Variants in TMEM268 observed in about 807,000 individuals in gnomAD.
TMEM268 encodes the protein transmembrane protein C9orf91.
In TMEM268, 24 loss-of-function variants were observed where a neutral mutation model predicts 39.1. The observed-to-expected ratio is 0.61, with a 90% confidence interval of 0.44 to 0.86. The LOEUF (loss-of-function observed/expected upper bound fraction) is 0.86, where lower values mean the gene tolerates loss of function less well. TMEM268 is among the 40% of genes least tolerant of loss of function. The probability of loss-of-function intolerance (pLI) is 0.00; values close to 1 mark genes in which losing one functional copy is unlikely to be tolerated. For missense variants in TMEM268, 409 were observed against 428.6 expected, an observed-to-expected ratio of 0.95 and a Z score of 0.40; for synonymous variants, 176 against 173.5, an observed-to-expected ratio of 1.01 and a Z score of -0.12.
rs1690804106 is a variant in TMEM268, at chr9:114,645,349, T to C, written c.*2036T>C. 1 of 152,380 alleles carries C rather than the reference T, an allele frequency of 6.6e-6. No individual in the cohort carries two copies. The highest frequency in any genetic ancestry group is 2.4e-5 in the African/African-American group (1 of 41,460). 9.4% of individuals were successfully genotyped at this position (152,380 alleles called of 1,614,324 possible). A position where few individuals can be genotyped will look rare whatever the true frequency, so the allele number is the denominator to read the frequency against. ...TGGCTAAGTCACTTAACCTTTCTGA[T>C]TGTCATTTCGCTTTTTAATAAAGTG... On this transcript the variant is annotated 3_prime_UTR_variant, in exon 9 of 9. Transcript: ENST00000288502.
In TMEM268 at chr9:114,626,955, G is replaced by A; in HGVS notation, c.273G>A (p.Val91=). ...LAESALLEPQ[V]RRYIIYNSRP... ...AGAGTGCCCTCTTGGAGCCCCAAGTGAGAAGATATATCATCTACAACTCGA... is the reference window on the plus strand; with the variant it reads ...AGAGTGCCCTCTTGGAGCCCCAAGTAAGAAGATATATCATCTACAACTCGA... Residue 91 remains valine, a synonymous_variant, in exon 4 of 9, where the codon GTG becomes GTA. Coordinates refer to ENST00000288502, the MANE Select transcript of TMEM268 (RefSeq NM_153045.4). 4 of 1,613,788 alleles carry A rather than the reference G, an allele frequency of 2.5e-6. No homozygotes were observed. The highest frequency in any genetic ancestry group is 3.4e-6 in the Non-Finnish European group (4 of 1,179,744).
Position 114,644,751 on chromosome 9 carries a change from T to C in TMEM268, c.*1438T>C, listed in dbSNP as rs1371762031. Reference sequence around the variant, plus strand: ...GTAATTTTTGGCAAGTTGCTTTCTTTGCCTGGTCCTCAGTTTGCCCATCAA... The same window carrying C: ...GTAATTTTTGGCAAGTTGCTTTCTTCGCCTGGTCCTCAGTTTGCCCATCAA... On this transcript the variant is annotated 3_prime_UTR_variant, in exon 9 of 9. Transcript: ENST00000288502. 1 of 152,154 alleles carries C rather than the reference T, an allele frequency of 6.6e-6. No homozygotes were observed. The highest frequency in any genetic ancestry group is 1.5e-5 in the Non-Finnish European group (1 of 68,046). 9.4% of individuals were successfully genotyped at this position (152,154 alleles called of 1,614,324 possible).
intron 3 of TMEM268, 126 bp downstream of exon 3, chr9:114,624,585 G>C: frequency 1.4e-6 from 2 of 1,402,662 alleles, no homozygotes; most frequent in Non-Finnish European, 9.4e-7. Flanking sequence ...GGGTATATAA[G>C]GAAGGTATAT....
At chr9:114,627,556 T>C (rs1846216694) in intron 4 of TMEM268, among the ~76,000 whole-genome samples, 1 of 152,190 alleles carries the variant, frequency 6.6e-6, no homozygotes, top group Admixed American at 6.5e-5. Context: ...TGCTGTTTTG[T>C]ATGTATAAAT....
At chr9:114,628,330 T>G in intron 5 of TMEM268, 80 bp downstream of exon 5, 1 of 1,523,192 alleles carries the variant, frequency 6.6e-7, no homozygotes, top group Non-Finnish European at 9.0e-7. Context: ...CCCTTTTGCC[T>G]CCCTCAAAGA....
At chr9:114,633,715 G>T in intron 5 of TMEM268, 53 bp from the exon 6 acceptor site, 2 of 962,362 alleles carry the variant, frequency 2.1e-6, no homozygotes, top group Admixed American at 2.4e-5. Flanking sequence ...CAGAGCCTGG[G>T]AGCTCCCCAG....
chr9:114,623,433 A>G (rs1846026772), intron 2 of TMEM268, among the ~76,000 whole-genome samples: 1 of 152,212 alleles, frequency 6.6e-6, no homozygotes, highest in Non-Finnish European at 1.5e-5. Context: ...GGTGTGAGCC[A>G]TTGCACCCAG....
upstream of TMEM268, among the ~76,000 whole-genome samples, chr9:114,608,582 G>C (rs1345727603): frequency 6.6e-6 from 1 of 152,212 alleles, no homozygotes; most frequent in Middle Eastern, 3.2e-3. Context: ...GGTTTAGATA[G>C]ATGGTGATCA....
At position 114,626,979 on chromosome 9, in the gene TMEM268, G is replaced by A. The variant is rs764517200; in HGVS notation, c.297G>A (p.Ser99=). ...TGAGAAGATATATCATCTACAACTC[G>A]AGGCCTATGCGGCTGGCCTTTGCTG... ...PQVRRYIIYN[S]RPMRLAFAVV... The change falls in exon 4 of 9, where the codon TCG becomes TCA. Residue 99 remains serine, a synonymous_variant. Transcript: ENST00000288502. 1.9e-6 allele frequency: 3 copies of A among 1,613,194 alleles called. No individual in the cohort carries two copies. Among genetic ancestry groups the A allele is most frequent in the Non-Finnish European group, 2.5e-6 (3 of 1,179,258 alleles).
intron 5 of TMEM268, among the ~76,000 whole-genome samples, chr9:114,630,975 A>C (rs1010707128): frequency 6.6e-6 from 1 of 152,142 alleles, no homozygotes; most frequent in Non-Finnish European, 1.5e-5. Context: ...TGTCTGGCAT[A>C]ACTGTCTTGT....
rs767017553 is a variant in TMEM268, at chr9:114,617,176, G to A, written c.-20G>A. 1 of 1,541,610 alleles carries A rather than the reference G, an allele frequency of 6.5e-7. No homozygotes were observed. The highest frequency in any genetic ancestry group is 1.1e-5 in the South Asian group (1 of 87,606). ...ACCACAGCTCTGAGAAGGGGAAGTA[G>A]AAACAGCTGGCGCCCTGCCATGGCC... On this transcript the variant is annotated 5_prime_UTR_variant, in exon 2 of 9. It removes the in-frame stop codon of an upstream open reading frame in the 5' UTR. Transcript: ENST00000288502.
At chr9:114,619,962 A>G (rs967058350) in intron 2 of TMEM268, among the ~76,000 whole-genome samples, 4 of 151,992 alleles carry the variant, frequency 2.6e-5, no homozygotes. Context: ...TAATCCCAGC[A>G]CTTTGGGAGG....
At chr9:114,639,633 C>T (rs889507112) in intron 8 of TMEM268, among the ~76,000 whole-genome samples, 12 of 151,996 alleles carry the variant, frequency 7.9e-5, no homozygotes, top group Admixed American at 7.8e-4. Flanking sequence ...ATCTTTTCAG[C>T]CAAGAGATTT....
chr9:114,616,931 A>G (rs915007455), intron 1 of TMEM268, among the ~76,000 whole-genome samples, 187 bp from the exon 2 acceptor site: 2 of 152,046 alleles, frequency 1.3e-5, no homozygotes, highest in Admixed American at 1.3e-4. Context: ...GGAAGGTTTT[A>G]GTTTCTCTTC....
At chr9:114,610,249 G>A (rs1465482200), upstream of TMEM268, among the ~76,000 whole-genome samples, 1 of 152,144 alleles carries the variant, frequency 6.6e-6, no homozygotes, top group Non-Finnish European at 1.5e-5. Flanking sequence ...ATGTTGATCA[G>A]GCTGGTCTCG....
In TMEM268 at chr9:114,643,440, G is replaced by C; in HGVS notation, c.*127G>C. 2 of 769,610 alleles carry C rather than the reference G, an allele frequency of 2.6e-6. No individual in the cohort carries two copies. Among genetic ancestry groups the C allele is most frequent in the Non-Finnish European group, 4.2e-6 (2 of 478,534 alleles). 47.7% of individuals were successfully genotyped at this position (769,610 alleles called of 1,614,324 possible). A position where few individuals can be genotyped will look rare whatever the true frequency, so the allele number is the denominator to read the frequency against. On this transcript the variant is annotated 3_prime_UTR_variant, in exon 9 of 9. Coordinates refer to ENST00000288502, the MANE Select transcript of TMEM268 (RefSeq NM_153045.4). ...TCTGGGGGCACTCCAAAAGGGGCCT[G>C]TGATGTCAGCCACTGGGGTGTTGTG...
chr9:114,627,457 T>G (rs756066403), intron 4 of TMEM268, among the ~76,000 whole-genome samples: 4 of 152,236 alleles, frequency 2.6e-5, no homozygotes, highest in Non-Finnish European at 5.9e-5. Flanking sequence ...TTGATACATA[T>G]AAACACTTAC....
chr9:114,608,890 T>C (rs559649726), upstream of TMEM268, among the ~76,000 whole-genome samples: 1 of 152,290 alleles, frequency 6.6e-6, no homozygotes, highest in South Asian at 2.1e-4. Flanking sequence ...TATCTACTTC[T>C]CAGGTTGCCA....
At chr9:114,627,186 G>C (rs534537717) in intron 4 of TMEM268, among the ~76,000 whole-genome samples, 180 bp downstream of exon 4, 21 of 152,310 alleles carry the variant, frequency 1.4e-4, no homozygotes, top group African/African-American at 4.6e-4. Context: ...ATTTATGGGA[G>C]AGAGTTGTAA....
Sources: allele counts gnomAD v4.1 joint callset (sites outside exome capture counted in the v4.1 genomes callset), GRCh38; gene constraint gnomAD v4.1.1; transcripts MANE v1.5; gene names NCBI Gene and HGNC (gene_info 2026-07-23, HGNC 2026-07-21).